Variants in PCDHA5 observed in about 807,000 individuals in gnomAD.
PCDHA5 encodes protocadherin alpha-5.
Under a neutral mutation model 61.6 loss-of-function variants are expected in PCDHA5, and 43 were observed. That is an observed-to-expected ratio of 0.70 (90% confidence interval 0.55 to 0.90). The LOEUF is 0.90. Among genes scored for constraint, PCDHA5 ranks in the 40% least tolerant of loss-of-function variants. The probability of loss-of-function intolerance (pLI) is 0.00; values close to 1 mark genes in which losing one functional copy is unlikely to be tolerated. For missense variants in PCDHA5, 1,298 were observed against 1,222.7 expected, an observed-to-expected ratio of 1.06 and a Z score of -0.92; for synonymous variants, 627 against 543.9, an observed-to-expected ratio of 1.15 and a Z score of -2.13.
intron 1 of PCDHA5, chr5:140,929,115 C>T: frequency 6.2e-7 from 1 of 1,614,136 alleles, no homozygotes. Context: ...CATCAGCCAC[C>T]ATAGATGTCA....
chr5:140,961,247 C>T (rs527974851), intron 1 of PCDHA5, among the ~76,000 whole-genome samples: 6 of 152,070 alleles, frequency 3.9e-5, no homozygotes, highest in East Asian at 1.9e-4. Flanking sequence ...GGAATTTATC[C>T]GAAGCTCCAG....
At chr5:140,922,092 C>G (rs188826380) in intron 1 of PCDHA5, among the ~76,000 whole-genome samples, 2 of 152,184 alleles carry the variant, frequency 1.3e-5, no homozygotes. Context: ...GGTATTTCTA[C>G]CAACTATAGA....
At chr5:140,880,281 C>T (rs2058294062) in intron 1 of PCDHA5, among the ~76,000 whole-genome samples, 2 of 152,074 alleles carry the variant, frequency 1.3e-5, no homozygotes. Flanking sequence ...AGAAGTTTGA[C>T]TATCTTCATA....
intron 1 of PCDHA5, chr5:140,835,259 G>A (rs1773539388): frequency 1.9e-6 from 3 of 1,607,888 alleles, no homozygotes. Context: ...TAAAATCCAA[G>A]TTCCACATGG....
chr5:140,869,666 A>C, intron 1 of PCDHA5: 12 of 1,613,524 alleles, frequency 7.4e-6, no homozygotes, highest in Non-Finnish European at 1.0e-5. Flanking sequence ...AATGGTAAGC[A>C]GATTAAAAGA....
intron 1 of PCDHA5, chr5:140,828,120 G>A (rs1182345858): frequency 2.5e-6 from 4 of 1,612,674 alleles, no homozygotes; most frequent in Non-Finnish European, 3.4e-6. Context: ...GATAGATTGG[G>A]AAAGCAATGT....
Position 140,821,790 on chromosome 5 carries a change from G to A in PCDHA5, c.15G>A (p.Arg5=). The part of the protein sequence containing the change: MVYS[R]RGSLGSRLLL... ...ACGAGATTGAGATGGTATATTCCCG[G>A]AGAGGAAGTCTGGGATCCCGGCTCC... The change falls in exon 1 of 4, where the codon CGG becomes CGA. Residue 5 remains arginine, a synonymous_variant. Coordinates refer to ENST00000529859, the MANE Select transcript of PCDHA5 (RefSeq NM_018908.3). The A allele has an allele frequency of 6.2e-7, 1 of 1,612,306 alleles. No individual in the cohort carries two copies. The highest frequency in any genetic ancestry group is 8.5e-7 in the Non-Finnish European group (1 of 1,179,014).
At chr5:140,956,554 G>C (rs546505112) in intron 1 of PCDHA5, among the ~76,000 whole-genome samples, 1 of 152,318 alleles carries the variant, frequency 6.6e-6, no homozygotes, top group East Asian at 1.9e-4. Flanking sequence ...TGGTTTGCCA[G>C]TATCTTATTG....
intron 1 of PCDHA5, among the ~76,000 whole-genome samples, chr5:140,943,311 T>C (rs1281237979): frequency 1.3e-5 from 2 of 150,340 alleles, no homozygotes. Flanking sequence ...AAGTCATTAT[T>C]AGCAATATTG....
At chr5:140,833,391 C>T (rs139841955) in intron 1 of PCDHA5, among the ~76,000 whole-genome samples, 1 of 152,258 alleles carries the variant, frequency 6.6e-6, no homozygotes, top group Non-Finnish European at 1.5e-5. Flanking sequence ...TGAAATACCT[C>T]AAGACTTGAT....
At chr5:140,875,271 C>A (rs1256076154) in intron 1 of PCDHA5, 2 of 1,256,362 alleles carry the variant, frequency 1.6e-6, no homozygotes, top group Non-Finnish European at 2.1e-6. Flanking sequence ...GCTCTACACT[C>A]AGAAGGTGAA....
intron 1 of PCDHA5, chr5:140,835,828 C>A: frequency 6.2e-7 from 1 of 1,612,490 alleles, no homozygotes. Context: ...GCGGGGGACG[C>A]GGACGCGCAG....
intron 1 of PCDHA5, among the ~76,000 whole-genome samples, chr5:140,942,396 A>G (rs1172739397): frequency 6.6e-6 from 1 of 151,922 alleles, no homozygotes; most frequent in Admixed American, 6.6e-5. Flanking sequence ...TGGGCGACAG[A>G]TGAGACTCTG....
chr5:141,004,148 C>T (rs971282591), intron 3 of PCDHA5, among the ~76,000 whole-genome samples: 1 of 152,222 alleles, frequency 6.6e-6, no homozygotes, highest in African/African-American at 2.4e-5. Context: ...AAAGGCATGA[C>T]ATTTTATAGG....
chr5:140,945,041 C>T (rs2093729370), intron 1 of PCDHA5, among the ~76,000 whole-genome samples: 1 of 151,978 alleles, frequency 6.6e-6, no homozygotes, highest in African/African-American at 2.4e-5. Flanking sequence ...TATCTTTGGT[C>T]TTATATAAAG....
intron 1 of PCDHA5, among the ~76,000 whole-genome samples, chr5:140,954,247 A>T (rs782077145): frequency 2.6e-5 from 4 of 152,196 alleles, no homozygotes; most frequent in Non-Finnish European, 4.4e-5. Context: ...ATGAACATAC[A>T]CATGCAGGTA....
In PCDHA5 at chr5:140,869,649, A is replaced by G. The variant is rs1446407712; in HGVS notation, c.2352+45522A>G. ...AAAATGAGTATTTTTCTTTAGATTC[A>G]CCAACAAATGGTAAGCAGATTAAAA... On this transcript the variant is annotated intron_variant, in intron 1 of 3. Transcript: ENST00000529859. 4.3e-6 allele frequency: 7 copies of G among 1,613,476 alleles called. No individual in the cohort carries two copies. In the African/African-American group the frequency reaches 6.7e-5, roughly 15 times the overall value.
chr5:140,857,858 G>T (rs781810921), intron 1 of PCDHA5: 3 of 1,597,852 alleles, frequency 1.9e-6, no homozygotes, highest in South Asian at 1.1e-5. Context: ...TGGATACAAC[G>T]CGTGGCTGTC....
chr5:140,847,669 G>A (rs2150402722), intron 1 of PCDHA5: 11 of 149,670 alleles, frequency 7.3e-5, no homozygotes, highest in African/African-American at 2.7e-4. Flanking sequence ...TATAAAGCTT[G>A]GAAAGAATCA....
Sources: allele counts gnomAD v4.1 joint callset (sites outside exome capture counted in the v4.1 genomes callset), GRCh38; gene constraint gnomAD v4.1.1; transcripts MANE v1.5; gene names NCBI Gene and HGNC (gene_info 2026-07-23, HGNC 2026-07-21).